The following HTRA3 variants were observed in gnomAD, a reference collection of about 807,000 sequenced individuals.
The protein encoded by HTRA3 is serine protease HTRA3.
A neutral mutation model predicts 43.2 loss-of-function variants in HTRA3; 41 were observed. The observed-to-expected ratio is 0.95, with a 90% CI of 0.74 to 1.23. The LOEUF (loss-of-function observed/expected upper bound fraction) is 1.23, where lower values mean the gene tolerates loss of function less well. Among genes scored for constraint, HTRA3 ranks in the 50% most tolerant of loss-of-function variants. The pLI is 0.00. For synonymous variants in HTRA3, 295 were observed against 287.9 expected, an observed-to-expected ratio of 1.02 and a Z score of -0.25; for missense variants, 628 against 647.1, an observed-to-expected ratio of 0.97 and a Z score of 0.32.
chr4:8,294,900 C>G (rs1370121251), intron 6 of HTRA3, among the ~76,000 whole-genome samples: 2 of 149,392 alleles, frequency 1.3e-5, no homozygotes, highest in Non-Finnish European at 3.0e-5. Context: ...ACTCATTTAT[C>G]CTTCCAACCA....
In HTRA3 at chr4:8,283,288, G is replaced by A. The variant is rs529630746; in HGVS notation, c.485+752G>A. On this transcript the variant is annotated intron_variant, in intron 2 of 8. Coordinates refer to ENST00000307358, the MANE Select transcript of HTRA3 (RefSeq NM_053044.5). ...CCCCGTAGAGGAAGTGGTGTGTACCGTGTGGCTTCACCCCCGAGCAAGGCC... is the reference window on the plus strand; with the variant it reads ...CCCCGTAGAGGAAGTGGTGTGTACCATGTGGCTTCACCCCCGAGCAAGGCC... Among the ~76,000 whole-genome samples, 12 of 152,288 alleles carry A rather than the reference G, an allele frequency of 7.9e-5. No homozygotes were observed. In the South Asian group the frequency reaches 2.1e-3, roughly 26 times the overall value.
At chr4:8,298,707 G>A (rs1282691636) in intron 6 of HTRA3, among the ~76,000 whole-genome samples, 1 of 152,134 alleles carries the variant, frequency 6.6e-6, no homozygotes, top group Non-Finnish European at 1.5e-5. Flanking sequence ...CGAGGTTTGG[G>A]CGTTTTTGTT....
At chr4:8,281,840 G>C (rs1712759500) in intron 1 of HTRA3, among the ~76,000 whole-genome samples, 2 of 152,226 alleles carry the variant, frequency 1.3e-5, no homozygotes, top group Admixed American at 1.3e-4. Context: ...GGCCAAGTTA[G>C]ACACAGATGT....
Position 8,297,219 on chromosome 4 carries a change from A to G in HTRA3, c.1051+3018A>G, listed in dbSNP as rs895649378. 1.3e-5 allele frequency among the ~76,000 whole-genome samples: 2 copies of G among 151,904 alleles called. No homozygotes were observed. The highest frequency in any genetic ancestry group is 4.8e-5 in the African/African-American group (2 of 41,340). ...AGGGCCAGGAGCAGGACGGGCAGGG[A>G]GGCTGGTGGCCCCATACTTGGTGTG... On this transcript the variant is annotated intron_variant, in intron 6 of 8. Coordinates refer to ENST00000307358, the MANE Select transcript of HTRA3 (RefSeq NM_053044.5). This position sits in a 1 kb window ranked among gnomAD's most constrained non-coding sequence, Gnocchi z 5.8.
chr4:8,290,523 G>C (rs1713191207), intron 3 of HTRA3, among the ~76,000 whole-genome samples: 1 of 152,246 alleles, frequency 6.6e-6, no homozygotes, highest in South Asian at 2.1e-4. Context: ...CTTTCCGCCA[G>C]CTTCCCTCAA....
Position 8,306,232 on chromosome 4 carries a change from G to T in HTRA3, c.*96G>T. The T allele has an allele frequency of 7.6e-7, 1 of 1,312,610 alleles. No individual in the cohort carries two copies. The highest frequency in any genetic ancestry group is 2.8e-5 in the Admixed American group (1 of 35,668). 81.3% of individuals were successfully genotyped at this position (1,312,610 alleles called of 1,614,324 possible). ...GACGAAGGACCACCGTCGGTCCTCA[G>T]CAGGGCGGCAGCCTCCTCCTGGCTG... is the stretch of plus-strand genomic sequence containing the variant. On this transcript the variant is annotated 3_prime_UTR_variant, in exon 9 of 9. Transcript: ENST00000307358. This position sits in a 1 kb window ranked among gnomAD's most constrained non-coding sequence, Gnocchi z 8.9.
intron 1 of HTRA3, among the ~76,000 whole-genome samples, chr4:8,276,700 C>G (rs1277160740): frequency 6.6e-6 from 1 of 152,226 alleles, no homozygotes; most frequent in African/African-American, 2.4e-5. Context: ...TGTGGCCCAG[C>G]TGGGTGTGGA....
rs1207179066 is a variant in HTRA3 at position 8,279,982 on chromosome 4, G to A, written c.386-2455G>A. Among the ~76,000 whole-genome samples, 1 of 152,186 alleles carries A rather than the reference G, an allele frequency of 6.6e-6. No homozygotes were observed. On this transcript the variant is annotated intron_variant, in intron 1 of 8. Transcript: ENST00000307358. This position sits in a 1 kb window ranked among gnomAD's most constrained non-coding sequence, Gnocchi z 7.4. ...CTGCACGAGTGGCTTGAATAAGGCT[G>A]TGAGCAGCGGCAGATTCGGTACAAC...
At chr4:8,288,512 T>A (rs917367345) in intron 3 of HTRA3, among the ~76,000 whole-genome samples, 1 of 151,326 alleles carries the variant, frequency 6.6e-6, no homozygotes, top group Non-Finnish European at 1.5e-5. Context: ...CAACCACAGG[T>A]GATCCACCTG....
At chr4:8,271,529 T>G (rs1712276538) in intron 1 of HTRA3, among the ~76,000 whole-genome samples, 1 of 152,208 alleles carries the variant, frequency 6.6e-6, no homozygotes, top group Non-Finnish European at 1.5e-5. Context: ...CCGCAGGGTT[T>G]GGCGGGGAGT....
At chr4:8,274,722 G>A (rs1330886586) in intron 1 of HTRA3, among the ~76,000 whole-genome samples, 3 of 152,222 alleles carry the variant, frequency 2.0e-5, no homozygotes, top group East Asian at 1.9e-4. Flanking sequence ...CCTGTGTGGA[G>A]AAGGGTTTCC....
intron 6 of HTRA3, among the ~76,000 whole-genome samples, chr4:8,299,841 C>CT (rs34414197): frequency 0.28 from 39,435 of 140,340 alleles, 5,804 homozygotes; most frequent in Middle Eastern, 0.42. Flanking sequence ...ATGTATTATC[C>CT]TTTTTTTTTT....
Position 8,273,534 on chromosome 4 carries a change from C to A in HTRA3, c.385+3181C>A, listed in dbSNP as rs13105257. 2.0e-3 allele frequency among the ~76,000 whole-genome samples: 302 copies of A among 149,704 alleles called. 6 individuals carry two copies. The highest frequency in any genetic ancestry group is 5.2e-3 in the African/African-American group (209 of 40,542). ...CTTCTCGCCACCCTCCCCCCCGCACCCCCGCCCCAGTAAGCTCATCTGCCA... is the reference window on the plus strand; with the variant it reads ...CTTCTCGCCACCCTCCCCCCCGCACACCCGCCCCAGTAAGCTCATCTGCCA... On this transcript the variant is annotated intron_variant, in intron 1 of 8. Transcript: ENST00000307358.
chr4:8,289,320 C>A (rs557808964), intron 3 of HTRA3, among the ~76,000 whole-genome samples: 6 of 152,230 alleles, frequency 3.9e-5, no homozygotes, highest in Non-Finnish European at 8.8e-5. Context: ...GTCACAACCA[C>A]GCATCTCTGC....
chr4:8,294,065 C>T (rs374708576), intron 5 of HTRA3, 22 bp from the exon 6 acceptor site: 1 of 1,564,400 alleles, frequency 6.4e-7, no homozygotes, highest in East Asian at 2.3e-5. Context: ...CAACTGATGC[C>T]TGCTCTTACC....
At chr4:8,302,201 C>T (rs987468020) in intron 6 of HTRA3, among the ~76,000 whole-genome samples, 3 of 152,134 alleles carry the variant, frequency 2.0e-5, no homozygotes, top group Non-Finnish European at 2.9e-5. Flanking sequence ...TCGGAGCTCA[C>T]ATGGTTGGAT....
Position 8,295,659 on chromosome 4 carries a change from C to A in HTRA3, c.1051+1458C>A. ...CCAACGCCCAGGCCTGACTCAGCAACTCACACTTCCACATTGCTTTGCTGT... is the reference window on the plus strand; with the variant it reads ...CCAACGCCCAGGCCTGACTCAGCAAATCACACTTCCACATTGCTTTGCTGT... On this transcript the variant is annotated intron_variant, in intron 6 of 8. Transcript: ENST00000307358. The surrounding 1 kb of genome is among the most constrained non-coding windows in gnomAD (Gnocchi z 6.9). 7.2e-7 allele frequency: 1 copy of A among 1,390,928 alleles called. No individual in the cohort carries two copies. The highest frequency in any genetic ancestry group is 1.7e-5 in the South Asian group (1 of 59,680). 86.2% of individuals were successfully genotyped at this position (1,390,928 alleles called of 1,614,324 possible). A position where few individuals can be genotyped will look rare whatever the true frequency, so the allele number is the denominator to read the frequency against.
In HTRA3 at chr4:8,296,531, G is replaced by A; in HGVS notation, c.1051+2330G>A. On this transcript the variant is annotated intron_variant, in intron 6 of 8. Transcript: ENST00000307358. This position sits in a 1 kb window ranked among gnomAD's most constrained non-coding sequence, Gnocchi z 5.3. ...CATCTTTTTATTAAATCAAGGAGAT[G>A]TTAAGTGCATTTATTATTCTCGTCT... 1.0e-6 allele frequency: 1 copy of A among 985,206 alleles called. No homozygotes were observed. Among genetic ancestry groups the A allele is most frequent in the Non-Finnish European group, 1.2e-6 (1 of 829,706 alleles). The allele number at this position is 985,206 out of a possible 1,614,324, so 61.0% of individuals were successfully genotyped here. A position where few individuals can be genotyped will look rare whatever the true frequency, so the allele number is the denominator to read the frequency against.
At chr4:8,293,035 C>G (rs1713307644) in intron 5 of HTRA3, among the ~76,000 whole-genome samples, 1 of 151,990 alleles carries the variant, frequency 6.6e-6, no homozygotes, top group African/African-American at 2.4e-5. Flanking sequence ...AGAAGAAATC[C>G]CAGGGAGAAG....
Sources: gnomAD v4.1 joint callset for allele counts (sites outside exome capture counted in the v4.1 genomes callset) on GRCh38, gnomAD v4.1.1 for gene constraint, Gnocchi (gnomAD v3.1) non-coding constraint, MANE v1.5 for transcripts, NCBI Gene and HGNC (gene_info 2026-07-23, HGNC 2026-07-21) for gene names.